SECISBP2L: variants seen among roughly 807,000 people sequenced by gnomAD.
The protein encoded by SECISBP2L is SECIS binding protein 2 like, also known as selenocysteine insertion sequence-binding protein 2-like.
SECISBP2L carries 43 observed loss-of-function variants against 114.7 expected under a neutral mutation model. The observed-to-expected ratio is 0.38, with a 90% CI of 0.29 to 0.48. The LOEUF is 0.48. SECISBP2L is among the 20% of genes least tolerant of loss of function. The pLI is 0.98. For synonymous variants in SECISBP2L, 451 were observed against 439.7 expected (o/e 1.03, Z -0.32); for missense variants, 1,136 against 1,301.1 (o/e 0.87, Z 1.95).
intron 1 of SECISBP2L, among the ~76,000 whole-genome samples, chr15:49,043,290 C>T (rs949106170): frequency 6.6e-5 from 10 of 152,050 alleles, no homozygotes; most frequent in African/African-American, 2.2e-4. Context: ...AAAAGCTAGA[C>T]AATTTTCTAT....
At chr15:49,030,385 ACATTCATAGGAATGAGATGACTGCGTC>A (rs577599591) in intron 4 of SECISBP2L, among the ~76,000 whole-genome samples, 1 of 152,324 alleles carries the variant, frequency 6.6e-6, no homozygotes, top group African/African-American at 2.4e-5. Flanking sequence ...CCATTTGGAT[ACATTCATAGGAATGAGATGACTGCGTC>A]CAAAGAAAAA....
intron 7 of SECISBP2L, among the ~76,000 whole-genome samples, chr15:49,023,957 A>C (rs905438980): frequency 2.6e-5 from 4 of 152,208 alleles, no homozygotes; most frequent in African/African-American, 7.2e-5. Flanking sequence ...CATTGTATAT[A>C]ATCTTTTTTT....
At position 49,046,302 on chromosome 15, in the gene SECISBP2L, T is replaced by A; in HGVS notation, c.-3A>T. On this transcript the variant is annotated 5_prime_UTR_variant, in exon 1 of 18. Coordinates refer to ENST00000559471, the MANE Select transcript of SECISBP2L (RefSeq NM_001193489.2). ...TGCTCCGTGGGGGCTCGGTCCATGG[T>A]GCCTGCAGCCGCAACGGGCCCGCGC... The A allele has an allele frequency of 6.4e-7, 1 of 1,550,524 alleles. No homozygotes were observed. Among genetic ancestry groups the A allele is most frequent in the Non-Finnish European group, 8.7e-7 (1 of 1,149,300 alleles).
chr15:48,998,745 CAA>C (rs560685518), intron 16 of SECISBP2L, among the ~76,000 whole-genome samples: 146 of 152,130 alleles, frequency 9.6e-4, no homozygotes, highest in African/African-American at 3.4e-3. Context: ...GATAATATAC[CAA>C]GCTGGTCTGG....
In SECISBP2L at chr15:49,033,042, G is replaced by A. The variant is rs1178858429; in HGVS notation, c.587C>T (p.Thr196Ile). 4 of 1,613,820 alleles carry A rather than the reference G, an allele frequency of 2.5e-6. No homozygotes were observed. Among genetic ancestry groups the A allele is most frequent in the Non-Finnish European group, 3.4e-6 (4 of 1,179,982 alleles). Residue 196 changes from threonine (T) to isoleucine (I), a missense_variant, in exon 4 of 18, where the codon ACT becomes ATT. By Grantham distance (89) the Thr-to-Ile change is moderately conservative (BLOSUM62 -1). Around this residue, in one of 2 missense-constraint regions of SECISBP2L, gnomAD observed 452 missense variants for 452.3 expected, o/e 1.00. Coordinates refer to ENST00000559471, the MANE Select transcript of SECISBP2L (RefSeq NM_001193489.2). ...SKRPLVKNVATQKETNAAGPD... is the reference protein window; with the variant it reads ...SKRPLVKNVAIQKETNAAGPD... ...ACCTGCTGCATTTGTTTCTTTCTGAGTAGCTACATTTTTCACCAGCGGCCT... is the reference window on the plus strand; with the variant it reads ...ACCTGCTGCATTTGTTTCTTTCTGAATAGCTACATTTTTCACCAGCGGCCT...
At chr15:49,019,771 C>T (rs1194489077) in intron 7 of SECISBP2L, 3 of 354,636 alleles carry the variant, frequency 8.5e-6, no homozygotes, top group Non-Finnish European at 1.5e-5. Flanking sequence ...TTTTTCCCCT[C>T]GACATGAATA....
At chr15:49,028,110 A>G in intron 6 of SECISBP2L, 34 bp downstream of exon 6, 1 of 1,556,284 alleles carries the variant, frequency 6.4e-7, no homozygotes, top group East Asian at 2.3e-5. Flanking sequence ...CAAAGTAGAA[A>G]GTATAGCAAA....
intron 16 of SECISBP2L, among the ~76,000 whole-genome samples, chr15:48,996,996 C>T (rs1028718976): frequency 1.3e-5 from 2 of 152,290 alleles, no homozygotes; most frequent in Non-Finnish European, 2.9e-5. Flanking sequence ...TAACACCTTA[C>T]ATGCCTTGAG....
In SECISBP2L at chr15:48,990,620, A is replaced by C. The variant is rs1901954153; in HGVS notation, c.*1624T>G. On this transcript the variant is annotated 3_prime_UTR_variant, in exon 18 of 18. Transcript: ENST00000559471. Reference sequence around the variant, plus strand: ...TACTAAATCATCAACCAAGAATCCAATCTCTCCAGTAATTAAATGCCAGCA... The same window carrying C: ...TACTAAATCATCAACCAAGAATCCACTCTCTCCAGTAATTAAATGCCAGCA... 1 of 152,460 alleles carries C rather than the reference A, an allele frequency of 6.6e-6. No individual in the cohort carries two copies. Among genetic ancestry groups the C allele is most frequent in the African/African-American group, 2.4e-5 (1 of 41,390 alleles). The allele number at this position is 152,460 out of a possible 1,614,324, so 9.4% of individuals were successfully genotyped here. A position where few individuals can be genotyped will look rare whatever the true frequency, so the allele number is the denominator to read the frequency against.
intron 15 of SECISBP2L, 40 bp from the exon 16 acceptor site, chr15:49,000,027 C>T (rs200968615): frequency 7.0e-5 from 113 of 1,603,186 alleles, no homozygotes; most frequent in Non-Finnish European, 1.1e-5. Flanking sequence ...TAGTTGTTGC[C>T]TACATGGAGC....
intron 14 of SECISBP2L, among the ~76,000 whole-genome samples, chr15:49,002,189 T>C (rs1178999879): frequency 6.6e-6 from 1 of 152,262 alleles, no homozygotes; most frequent in Non-Finnish European, 1.5e-5. Flanking sequence ...GGTTTTGATT[T>C]GCATTTCTCT....
intron 4 of SECISBP2L, among the ~76,000 whole-genome samples, chr15:49,029,795 A>G (rs2141080608): frequency 6.6e-6 from 1 of 152,292 alleles, no homozygotes; most frequent in South Asian, 2.1e-4. Flanking sequence ...ATATTCATTA[A>G]ATACTTTACA....
At position 49,028,458 on chromosome 15, in the gene SECISBP2L, T is replaced by C. The variant is rs753873715; in HGVS notation, c.889A>G (p.Met297Val). 79 of 1,613,804 alleles carry C rather than the reference T, an allele frequency of 4.9e-5. 1 individual carries two copies. Among genetic ancestry groups the C allele is most frequent in the South Asian group, 4.0e-4 (36 of 91,078 alleles). Residue 297 changes from methionine (M) to valine (V), a missense_variant, in exon 5 of 18, where the codon ATG becomes GTG. Transcript: ENST00000559471. ...ATCAAGACGATGTCACATACATTCA[T>C]GGTCCCAGAATCAGGATTTCTCAAA... The part of the protein sequence containing the change: ...GALRNPDSGT[M>V]NHVESSMCAG...
chr15:49,011,673 A>G (rs897419374), intron 13 of SECISBP2L, 58 bp downstream of exon 13: 48 of 1,585,740 alleles, frequency 3.0e-5, no homozygotes, highest in East Asian at 1.8e-4. Context: ...TAGCTTACGT[A>G]TCTATTAAAA....
At chr15:49,041,271 C>T (rs908661744) in intron 1 of SECISBP2L, among the ~76,000 whole-genome samples, 1 of 152,030 alleles carries the variant, frequency 6.6e-6, no homozygotes, top group African/African-American at 2.4e-5. Flanking sequence ...AATCATAGTC[C>T]CAGAATCATC....
chr15:48,995,310 A>C (rs1902065011), intron 17 of SECISBP2L, among the ~76,000 whole-genome samples: 1 of 152,176 alleles, frequency 6.6e-6, no homozygotes, highest in Admixed American at 6.6e-5. Context: ...CACTCCTGCA[A>C]AAGAAACATG....
At chr15:49,011,575 A>G in intron 13 of SECISBP2L, 156 bp downstream of exon 13, 2 of 827,890 alleles carry the variant, frequency 2.4e-6, no homozygotes, top group East Asian at 2.7e-5. Flanking sequence ...TCCCTACAAA[A>G]GCATCTTTAA....
At chr15:48,996,931 G>A (rs1027636457) in intron 16 of SECISBP2L, among the ~76,000 whole-genome samples, 2 of 152,120 alleles carry the variant, frequency 1.3e-5, no homozygotes, top group Non-Finnish European at 2.9e-5. Flanking sequence ...CTACTCTCAA[G>A]GAACCTTCTA....
chr15:49,039,710 T>G (rs964544052), intron 1 of SECISBP2L, among the ~76,000 whole-genome samples: 24 of 151,104 alleles, frequency 1.6e-4, no homozygotes, highest in Admixed American at 7.3e-4. Context: ...AACTTTTTAA[T>G]GTAGAGATGG....
Sources: allele counts gnomAD v4.1 joint callset (sites outside exome capture counted in the v4.1 genomes callset), GRCh38; gene constraint gnomAD v4.1.1; regional missense constraint gnomAD v4.1.1; transcripts MANE v1.5; gene names NCBI Gene and HGNC (gene_info 2026-07-23, HGNC 2026-07-21).